The following NDUFA10 variants were observed in gnomAD, a reference collection of about 807,000 sequenced individuals.
The protein encoded by NDUFA10 is NADH dehydrogenase [ubiquinone] 1 alpha subcomplex subunit 10, mitochondrial.
A neutral mutation model predicts 47.8 loss-of-function variants in NDUFA10; 40 were observed. That is an observed-to-expected ratio of 0.84 (90% CI 0.65 to 1.09). The LOEUF (loss-of-function observed/expected upper bound fraction) is 1.09. NDUFA10 is among the 50% of genes least tolerant of loss of function. The probability of loss-of-function intolerance (pLI) is 0.00; values close to 1 mark genes in which losing one functional copy is unlikely to be tolerated. For synonymous variants in NDUFA10, 183 were observed against 172.2 expected, an observed-to-expected ratio of 1.06 and a Z score of -0.49; for missense variants, 413 against 451.1, an observed-to-expected ratio of 0.92 and a Z score of 0.76.
chr2:239,971,000 T>G (rs1204887637), intron 9 of NDUFA10, among the ~76,000 whole-genome samples: 1 of 152,236 alleles, frequency 6.6e-6, no homozygotes, highest in Non-Finnish European at 1.5e-5. Context: ...CATTCATTTT[T>G]ATGGACAAGC....
chr2:239,998,796 A>G (rs1696588103), intron 8 of NDUFA10, among the ~76,000 whole-genome samples: 1 of 152,180 alleles, frequency 6.6e-6, no homozygotes, highest in African/African-American at 2.4e-5. Context: ...AAGTTGCTCA[A>G]TCAATGTGTC....
chr2:240,025,239 G>A lies in NDUFA10; in HGVS notation c.63C>T (p.Gly21=), dbSNP rs980893132. 3.4e-6 allele frequency: 5 copies of A among 1,452,212 alleles called. No individual in the cohort carries two copies. Among genetic ancestry groups the A allele is most frequent in the Non-Finnish European group, 4.5e-6 (5 of 1,105,066 alleles). 90.0% of individuals were successfully genotyped at this position (1,452,212 alleles called of 1,614,324 possible). The change falls in exon 1 of 10, where the codon GGC becomes GGT. Residue 21 remains glycine (G), a synonymous_variant. Coordinates refer to ENST00000252711, the MANE Select transcript of NDUFA10 (RefSeq NM_004544.4). ...GCCGCCCGCTCACCACGCGCTGGGC[G>A]CCCGCCGCCACGACCCGGGCGGACG... ...TSASARVVAA[G]AQRVRGIHSS...
intron 6 of NDUFA10, among the ~76,000 whole-genome samples, chr2:240,008,275 G>A (rs924541721): frequency 3.3e-5 from 5 of 152,028 alleles, no homozygotes; most frequent in Non-Finnish European, 5.9e-5. Context: ...TTACTGCAAC[G>A]AGATCACTGC....
At chr2:240,018,030 A>T in intron 4 of NDUFA10, 3 of 776,376 alleles carry the variant, frequency 3.9e-6, no homozygotes, top group Non-Finnish European at 4.3e-6. Context: ...GCTTCAAACC[A>T]GGGGGTCTTT....
chr2:239,982,275 T>G (rs200029819), intron 9 of NDUFA10: 33 of 1,593,858 alleles, frequency 2.1e-5, no homozygotes, highest in Non-Finnish European at 2.8e-5. Context: ...AGGCCGACTT[T>G]ACTTTTCTTT....
intron 4 of NDUFA10, among the ~76,000 whole-genome samples, chr2:239,911,813 G>A (rs1312362093): frequency 1.3e-5 from 2 of 150,962 alleles, no homozygotes; most frequent in South Asian, 2.1e-4. Flanking sequence ...CCCAGTCCAC[G>A]CCCTCGGTGA....
At chr2:239,974,555 C>G (rs1695436956) in intron 9 of NDUFA10, among the ~76,000 whole-genome samples, 2 of 152,336 alleles carry the variant, frequency 1.3e-5, no homozygotes, top group Non-Finnish European at 2.9e-5. Flanking sequence ...AGAGGTGGGG[C>G]CTGGTGGGAA....
At chr2:240,014,454 G>A (rs1697254703) in intron 5 of NDUFA10, 2 of 462,354 alleles carry the variant, frequency 4.3e-6, no homozygotes, top group African/African-American at 2.0e-5. Context: ...TCTGCCAGGA[G>A]GCCCTCACCA....
At chr2:239,985,886 G>T (rs1249627252) in intron 9 of NDUFA10, among the ~76,000 whole-genome samples, 5 of 146,860 alleles carry the variant, frequency 3.4e-5, no homozygotes, top group Admixed American at 6.9e-5. Flanking sequence ...ACTCCAGCCT[G>T]GGTGACAAGA....
rs1696034686 is a variant in NDUFA10 at position 239,987,205 on chromosome 2, G to C, written c.999+2869C>G. Among the ~76,000 whole-genome samples the C allele has an allele frequency of 6.6e-6, 1 of 152,194 alleles. No homozygotes were observed. The highest frequency in any genetic ancestry group is 1.5e-5 in the Non-Finnish European group (1 of 68,040). On this transcript the variant is annotated intron_variant, in intron 9 of 9. Transcript: ENST00000252711. This position sits in a 1 kb window ranked among gnomAD's most constrained non-coding sequence, Gnocchi z 4.8. ...ATGAAGAGGGCCTGTGGACTGGACA[G>C]CAGTAACGCGTGATGCTCATTTCCT...
chr2:240,000,987 A>C (rs1696686888), intron 8 of NDUFA10, among the ~76,000 whole-genome samples: 1 of 152,220 alleles, frequency 6.6e-6, no homozygotes, highest in Admixed American at 6.5e-5. Flanking sequence ...CTACATACAC[A>C]AAGCAGTGCT....
chr2:240,001,083 G>C (rs1696693233), intron 8 of NDUFA10, among the ~76,000 whole-genome samples: 1 of 152,178 alleles, frequency 6.6e-6, no homozygotes, highest in African/African-American at 2.4e-5. Context: ...GGCACACTGG[G>C]AATCTGGCTT....
At chr2:239,996,809 C>CT (rs112180218) in intron 8 of NDUFA10, among the ~76,000 whole-genome samples, 19,240 of 144,102 alleles carry the variant, frequency 0.13, 1,343 homozygotes, top group South Asian at 0.16. Flanking sequence ...GTTTTTTTGC[C>CT]TTTTTTTTTT....
At chr2:239,921,700 G>C (rs952693791) in intron 4 of NDUFA10, among the ~76,000 whole-genome samples, 5 of 152,116 alleles carry the variant, frequency 3.3e-5, no homozygotes, top group Admixed American at 3.3e-4. Context: ...CCCCTTGTAA[G>C]GCCAGGCCGA....
In NDUFA10 at chr2:239,977,689, C is replaced by T. The variant is rs1023454842; in HGVS notation, c.999+12385G>A. Among the ~76,000 whole-genome samples the T allele has an allele frequency of 3.3e-5, 5 of 152,176 alleles. No individual in the cohort carries two copies. In the South Asian group the frequency reaches 6.2e-4, roughly 19 times the overall value. ...AACTGCTGCTTTCACGCTAGGAGAA[C>T]GTAAATATGACACATCAAATGGCTG... On this transcript the variant is annotated intron_variant, in intron 9 of 9. Coordinates refer to ENST00000252711, the MANE Select transcript of NDUFA10 (RefSeq NM_004544.4).
intron 6 of NDUFA10, among the ~76,000 whole-genome samples, chr2:240,008,598 CATT>C (rs894765517): frequency 2.0e-5 from 3 of 152,206 alleles, no homozygotes; most frequent in Non-Finnish European, 4.4e-5. Context: ...GGCACAGAAA[CATT>C]ATTTGTTCTC....
chr2:239,973,670 A>G (rs757899184), intron 9 of NDUFA10: 8 of 458,400 alleles, frequency 1.7e-5, no homozygotes, highest in South Asian at 9.7e-5. Flanking sequence ...AACTGGTAAA[A>G]TAGAAACCAA....
chr2:240,002,241 G>GA (rs1455942931), intron 8 of NDUFA10, among the ~76,000 whole-genome samples: 2 of 146,652 alleles, frequency 1.4e-5, no homozygotes, highest in East Asian at 4.1e-4. Context: ...TGAGGCAGGA[G>GA]AATCGCCTGA....
chr2:239,933,943 G>A (rs1281061373), intron 4 of NDUFA10, among the ~76,000 whole-genome samples: 1 of 152,138 alleles, frequency 6.6e-6, no homozygotes, highest in South Asian at 2.1e-4. Context: ...TTGCAGCCTT[G>A]AACATCTGGG....
Sources: gnomAD v4.1 joint callset for allele counts (sites outside exome capture counted in the v4.1 genomes callset) on GRCh38, gnomAD v4.1.1 for gene constraint, Gnocchi (gnomAD v3.1) non-coding constraint, MANE v1.5 for transcripts, NCBI Gene and HGNC (gene_info 2026-07-23, HGNC 2026-07-21) for gene names.